Variants in CLIP2 observed in about 807,000 individuals in gnomAD.
CLIP2 encodes the protein CAP-Gly domain containing linker protein 2.
Under a neutral mutation model 111.7 loss-of-function variants are expected in CLIP2, and 41 were observed. The observed-to-expected ratio is 0.37, with a 90% confidence interval of 0.29 to 0.48. CLIP2 has a LOEUF of 0.48. Ranked by LOEUF, CLIP2 falls within the 20% of genes least tolerant of loss-of-function variation. The pLI is 0.99. For missense variants in CLIP2, 1,160 were observed against 1,422.1 expected (o/e 0.82, Z 2.96); for synonymous variants, 660 against 644.2 (o/e 1.02, Z -0.37).
rs1164870229 is a variant in CLIP2, at chr7:74,316,234, TTTTTTG to T, written c.-67-1223_-67-1218del. On this transcript the variant is annotated intron_variant, in intron 1 of 16. Coordinates refer to ENST00000223398, the MANE Select transcript of CLIP2 (RefSeq NM_003388.5). ...ATCTTGTTCTATTTTACGACTGCATTTTTTTGTTTTTGTTTTTGTTTTTGTTTTGAG... is the reference window on the plus strand; with the variant it reads ...ATCTTGTTCTATTTTACGACTGCATTTTTTTGTTTTTGTTTTTGTTTTGAG... Among the ~76,000 whole-genome samples the T allele has an allele frequency of 1.2e-4, 18 of 152,022 alleles. No homozygotes were observed. The East Asian group carries it at 1.5e-3, about 13-fold the overall frequency.
intron 1 of CLIP2, among the ~76,000 whole-genome samples, chr7:74,304,200 C>T (rs1788415303): frequency 2.0e-5 from 3 of 151,900 alleles, no homozygotes; most frequent in Admixed American, 1.3e-4. Flanking sequence ...CGTGAGCCAC[C>T]GTACCTAGCC....
At chr7:74,402,295 ACTCCAGCCTGGG>A (rs1554317827) in intron 16 of CLIP2, among the ~76,000 whole-genome samples, 2 of 146,138 alleles carry the variant, frequency 1.4e-5, no homozygotes, top group Non-Finnish European at 3.0e-5. Context: ...GCGCCACTGG[ACTCCAGCCTGGG>A]CGACAGAGCG....
In CLIP2 at chr7:74,376,129, G is replaced by A. The variant is rs782457054; in HGVS notation, c.1728G>A (p.Ala576=). 22 of 1,609,716 alleles carry A rather than the reference G, an allele frequency of 1.4e-5. No homozygotes were observed. In the East Asian group the frequency reaches 2.2e-4, roughly 16 times the overall value. Reference sequence around the variant, plus strand: ...AGAAGGCCCTGAAGGCCTACCAGGCGGAGGTGGACAAGCTCCGCGCGGCCA... The same window carrying A: ...AGAAGGCCCTGAAGGCCTACCAGGCAGAGGTGGACAAGCTCCGCGCGGCCA... ...KYEKALKAYQ[A]EVDKLRAANE... The change falls in exon 10 of 17, where the codon GCG becomes GCA. Residue 576 remains alanine, a synonymous_variant. Transcript: ENST00000223398. The surrounding 1 kb of genome is among the most constrained non-coding windows in gnomAD (Gnocchi z 7.1).
In CLIP2 at chr7:74,306,061, C is replaced by T. The variant is rs565196377; in HGVS notation, c.-67-11419C>T. Among the ~76,000 whole-genome samples the T allele has an allele frequency of 2.9e-3, 435 of 152,234 alleles. 1 individual carries two copies. The highest frequency in any genetic ancestry group is 0.01 in the African/African-American group (416 of 41,522). The stretch of plus-strand genomic sequence containing the variant: ...GATCCCCTGCTGCCTTCCAGCCCCA[C>T]CAGATCCTTGGGTGTTGGGTGGACC... On this transcript the variant is annotated intron_variant, in intron 1 of 16. Transcript: ENST00000223398.
At chr7:74,310,842 G>GT (rs1232719219) in intron 1 of CLIP2, among the ~76,000 whole-genome samples, 4 of 151,988 alleles carry the variant, frequency 2.6e-5, no homozygotes. Flanking sequence ...CTTCCAGGTA[G>GT]TTGGGACCAC....
chr7:74,322,760 C>G (rs1788998671), intron 2 of CLIP2, among the ~76,000 whole-genome samples: 2 of 152,098 alleles, frequency 1.3e-5, no homozygotes, highest in African/African-American at 2.4e-5. Context: ...GAGATGGAGT[C>G]TCGCTCTGTC....
intron 15 of CLIP2, 86 bp downstream of exon 15, chr7:74,400,641 G>C (rs990352367): frequency 7.7e-5 from 103 of 1,343,114 alleles, no homozygotes; most frequent in Non-Finnish European, 1.0e-4. Context: ...AGGCAGCCTT[G>C]TCTTTAAAAC....
Position 74,350,769 on chromosome 7 carries a change from AG to A in CLIP2, c.679-3109del, listed in dbSNP as rs1789962526. 2.0e-5 allele frequency among the ~76,000 whole-genome samples: 3 copies of A among 151,970 alleles called. No individual in the cohort carries two copies. In the South Asian group the frequency reaches 6.2e-4, roughly 32 times the overall value. On this transcript the variant is annotated intron_variant, in intron 3 of 16. Transcript: ENST00000223398. ...GTAATCTCAGCTACTTGGGAGGCCA[AG>A]GCAGGAGGATCACTTGAACTCAGGA...
At chr7:74,361,136 ATTCC>A (rs1790315017) in intron 7 of CLIP2, among the ~76,000 whole-genome samples, 1 of 44,306 alleles carries the variant, frequency 2.3e-5, no homozygotes, top group Non-Finnish European at 5.0e-5. Flanking sequence ...CCCTCCATTC[ATTCC>A]TTCCTTCCTT....
rs1584371770 is a variant in CLIP2, at chr7:74,373,092, C to T, written c.1485+56C>T. On this transcript the variant is annotated intron_variant, in intron 9 of 16. Coordinates refer to ENST00000223398, the MANE Select transcript of CLIP2 (RefSeq NM_003388.5). The stretch of plus-strand genomic sequence containing the variant: ...CCAGCCACCTTGCCCTTTGATGCCC[C>T]CTCTGGCTTCTCTGTTTCATTATTG... 10 of 1,011,642 alleles carry T rather than the reference C, an allele frequency of 9.9e-6. No homozygotes were observed. The East Asian group carries it at 1.3e-4, about 13-fold the overall frequency. The allele number at this position is 1,011,642 out of a possible 1,614,324, so 62.7% of individuals were successfully genotyped here.
Position 74,358,566 on chromosome 7 carries a change from T to A in CLIP2, c.1215+1089T>A, listed in dbSNP as rs907356763. Among the ~76,000 whole-genome samples, 9 of 74,540 alleles carry A rather than the reference T, an allele frequency of 1.2e-4. No homozygotes were observed. The East Asian group carries it at 5.5e-3, about 46-fold the overall frequency. 48.9% of individuals were successfully genotyped at this position (74,540 alleles called of 152,430 possible). On this transcript the variant is annotated intron_variant, in intron 6 of 16. Transcript: ENST00000223398. ...CTAGGTCCTGGCAAATTCCTCATCA[T>A]TCTTTTTTTTTTTTATTTTATTTTT...
intron 13 of CLIP2, among the ~76,000 whole-genome samples, chr7:74,389,747 A>C (rs1166616991): frequency 6.6e-6 from 1 of 151,782 alleles, no homozygotes; most frequent in African/African-American, 2.4e-5. Flanking sequence ...AAAAATACAG[A>C]AATTAGCTGG....
chr7:74,336,876 T>G (rs1204884912), intron 2 of CLIP2, among the ~76,000 whole-genome samples: 3 of 43,880 alleles, frequency 6.8e-5, no homozygotes, highest in Non-Finnish European at 1.2e-4. Context: ...TTTTTTTTTG[T>G]TTTTTTTTGT....
At chr7:74,396,809 C>G (rs1554316740) in intron 13 of CLIP2, among the ~76,000 whole-genome samples, 1 of 152,178 alleles carries the variant, frequency 6.6e-6, no homozygotes, top group Non-Finnish European at 1.5e-5. Flanking sequence ...GCGTGAGCCA[C>G]TGTGCTCTGC....
chr7:74,355,275 T>C (rs1354978116), intron 4 of CLIP2, among the ~76,000 whole-genome samples: 1 of 151,316 alleles, frequency 6.6e-6, no homozygotes, highest in Non-Finnish European at 1.5e-5. Context: ...GACCTGGAGG[T>C]GGGAAAAGGC....
In CLIP2 at chr7:74,360,563, T is replaced by G. The variant is rs922549290; in HGVS notation, c.1319+285T>G. Among the ~76,000 whole-genome samples the G allele has an allele frequency of 2.0e-5, 3 of 152,046 alleles. No homozygotes were observed. The East Asian group carries it at 5.8e-4, about 29-fold the overall frequency. On this transcript the variant is annotated intron_variant, in intron 7 of 16. Coordinates refer to ENST00000223398, the MANE Select transcript of CLIP2 (RefSeq NM_003388.5). ...AGAGGGACACCACATTTTTAAAAATTTTTTTGAAACAGGGTCTCACTCTGT... is the reference window on the plus strand; with the variant it reads ...AGAGGGACACCACATTTTTAAAAATGTTTTTGAAACAGGGTCTCACTCTGT...
chr7:74,327,554 TCCCAGC>T (rs1789150499), intron 2 of CLIP2, among the ~76,000 whole-genome samples: 2 of 152,298 alleles, frequency 1.3e-5, no homozygotes, highest in South Asian at 4.1e-4. Flanking sequence ...CTAGGAGCCT[TCCCAGC>T]CCCAGGAGAG....
Position 74,359,577 on chromosome 7 carries a change from A to G in CLIP2, c.1216-598A>G, listed in dbSNP as rs79910968. On this transcript the variant is annotated intron_variant, in intron 6 of 16. Transcript: ENST00000223398. ...TCACCATGTTAGCCAGGATGGTCTC[A>G]ATCTCCTGACCTTGTGATCCGCCCG... Among the ~76,000 whole-genome samples the G allele has an allele frequency of 9.0e-3, 1,368 of 151,942 alleles. 57 individuals are homozygous for G. In the East Asian group the frequency reaches 0.13, roughly 15 times the overall value.
At chr7:74,402,080 T>C (rs965522636) in intron 16 of CLIP2, among the ~76,000 whole-genome samples, 10 of 151,916 alleles carry the variant, frequency 6.6e-5, no homozygotes, top group Non-Finnish European at 1.5e-4. Flanking sequence ...CTGGCCAATA[T>C]GGTGAAACTC....
Sources: allele counts gnomAD v4.1 joint callset (sites outside exome capture counted in the v4.1 genomes callset), GRCh38; gene constraint gnomAD v4.1.1; non-coding constraint Gnocchi (gnomAD v3.1); transcripts MANE v1.5; gene names NCBI Gene and HGNC (gene_info 2026-07-23, HGNC 2026-07-21).